The following NFIA variants were observed in gnomAD, a reference collection of about 807,000 sequenced individuals.
The protein encoded by NFIA is nuclear factor 1 A-type.
In NFIA, 8 loss-of-function variants were observed where a neutral mutation model predicts 62.8. The ratio of observed to expected loss-of-function variants is 0.13; its 90% CI spans 0.07 to 0.23. The LOEUF (loss-of-function observed/expected upper bound fraction) is 0.23, where lower values mean the gene tolerates loss of function less well. Among genes scored for constraint, NFIA ranks in the 10% least tolerant of loss-of-function variants. The probability of loss-of-function intolerance (pLI) is 1.00; values close to 1 mark genes in which losing one functional copy is unlikely to be tolerated. For synonymous variants in NFIA, 235 were observed against 238.1 expected (o/e 0.99, Z 0.12); for missense variants, 410 against 642.1 (o/e 0.64, Z 3.91).
At chr1:61,323,977 G>C (rs1189168321) in intron 3 of NFIA, among the ~76,000 whole-genome samples, 2 of 152,144 alleles carry the variant, frequency 1.3e-5, no homozygotes, top group Non-Finnish European at 2.9e-5. Flanking sequence ...AAAGAGGCAA[G>C]TGCCGTAAGA....
rs192464404 is a variant in NFIA at position 61,430,385 on chromosome 1, T to G, written c.1512+3829T>G. 6.6e-5 allele frequency among the ~76,000 whole-genome samples: 10 copies of G among 152,344 alleles called. No individual in the cohort carries two copies. In the East Asian group the frequency reaches 1.9e-3, roughly 29 times the overall value. On this transcript the variant is annotated intron_variant, in intron 10 of 10. Transcript: ENST00000403491. ...GTTGAGAAAAATAATAAAAATCACT[T>G]GTAGTCCTACTGTTAACATTTCTGT...
At chr1:61,324,738 T>A (rs1257900189) in intron 3 of NFIA, among the ~76,000 whole-genome samples, 1 of 152,194 alleles carries the variant, frequency 6.6e-6, no homozygotes, top group Non-Finnish European at 1.5e-5. Context: ...AGTTCCTCCA[T>A]GAAATGAGAT....
In NFIA at chr1:61,462,024, G is replaced by GTTTTTTTTTTTTTTTTTTTTTGTTT. The variant is rs368139522; in HGVS notation, c.*6722_*6723insTTTGTTTTTTTTTTTTTTTTTTTTT. 1.4e-5 allele frequency: 1 copy of GTTTTTTTTTTTTTTTTTTTTTGTTT among 73,202 alleles called. No individual in the cohort carries two copies. Among genetic ancestry groups the GTTTTTTTTTTTTTTTTTTTTTGTTT allele is most frequent in the Non-Finnish European group, 2.5e-5 (1 of 40,492 alleles). 4.5% of individuals were successfully genotyped at this position (73,202 alleles called of 1,614,324 possible). On this transcript the variant is annotated 3_prime_UTR_variant, in exon 11 of 11. Transcript: ENST00000403491. ...ATAGTCTGTAAGTTAGCCTTTTTGG[G>GTTTTTTTTTTTTTTTTTTTTTGTTT]TTTTTTTTTTTTTTTTTTGGCTTTT... is the stretch of plus-strand genomic sequence containing the variant.
At chr1:61,192,431 G>C (rs1651699641) in intron 2 of NFIA, among the ~76,000 whole-genome samples, 1 of 152,200 alleles carries the variant, frequency 6.6e-6, no homozygotes, top group Non-Finnish European at 1.5e-5. Context: ...GCCAGGCGCA[G>C]TGGCTCATGC....
intron 2 of NFIA, among the ~76,000 whole-genome samples, chr1:61,155,753 TAAAGTTTCATTGCA>T (rs1648774661): frequency 6.6e-6 from 1 of 151,848 alleles, no homozygotes; most frequent in South Asian, 2.1e-4. Flanking sequence ...CAATCCCAAT[TAAAGTTTCATTGCA>T]AAAGTTTCAC....
intron 2 of NFIA, among the ~76,000 whole-genome samples, chr1:61,120,576 C>T (rs1646872109): frequency 6.6e-6 from 1 of 152,132 alleles, no homozygotes; most frequent in Non-Finnish European, 1.5e-5. Context: ...GAGTGATAAG[C>T]TTGTAAGTGA....
intron 2 of NFIA, among the ~76,000 whole-genome samples, chr1:61,153,099 A>G (rs1440611947): frequency 2.0e-5 from 3 of 152,240 alleles, no homozygotes; most frequent in Non-Finnish European, 2.9e-5. Context: ...AAGTTTTCTG[A>G]TCAATGAAAC....
chr1:61,167,292 T>G (rs1465169038), intron 2 of NFIA, among the ~76,000 whole-genome samples: 1 of 152,182 alleles, frequency 6.6e-6, no homozygotes, highest in Admixed American at 6.5e-5. Context: ...GTGTACTGAT[T>G]TGGAGTATGT....
intron 2 of NFIA, among the ~76,000 whole-genome samples, chr1:61,215,279 A>C (rs12565339): frequency 0.17 from 25,958 of 152,130 alleles, 2,299 homozygotes; most frequent in East Asian, 0.32. Flanking sequence ...GTTGTATGCA[A>C]CACAGTTGGA....
At chr1:61,093,041 C>A (rs182212428) in intron 2 of NFIA, among the ~76,000 whole-genome samples, 1 of 151,992 alleles carries the variant, frequency 6.6e-6, no homozygotes. Context: ...ATAAATAAAT[C>A]GCATTAGATT....
chr1:61,163,277 T>C (rs1411761754), intron 2 of NFIA, among the ~76,000 whole-genome samples: 1 of 152,218 alleles, frequency 6.6e-6, no homozygotes, highest in African/African-American at 2.4e-5. Flanking sequence ...TGGTCTTTTC[T>C]TTGTGAAGCA....
At chr1:61,225,553 C>CTT (rs71244590) in intron 2 of NFIA, among the ~76,000 whole-genome samples, 9,090 of 122,490 alleles carry the variant, frequency 0.074, 385 homozygotes, top group South Asian at 0.086. Flanking sequence ...CCAGCTCGTA[C>CTT]TTTTTTTTTT....
Position 61,393,261 on chromosome 1 carries a change from CT to C in NFIA, c.1075+9897del, listed in dbSNP as rs1665085605. Among the ~76,000 whole-genome samples the C allele has an allele frequency of 1.4e-4, 9 of 64,664 alleles. 1 individual carries two copies. The South Asian group carries it at 2.9e-3, about 21-fold the overall frequency. The allele number at this position is 64,664 out of a possible 152,430, so 42.4% of individuals were successfully genotyped here. On this transcript the variant is annotated intron_variant, in intron 7 of 10. Coordinates refer to ENST00000403491, the MANE Select transcript of NFIA (RefSeq NM_001134673.4). ...GCCCTCTCCCTCTCTCTCTCTCTCT[CT>C]CTCTCTCTCTCTCTCTCTCTCTCTC...
chr1:61,455,411 A>T lies in NFIA; in HGVS notation c.*91A>T, dbSNP rs990373313. 6 of 1,602,102 alleles carry T rather than the reference A, an allele frequency of 3.7e-6. No individual in the cohort carries two copies. The highest frequency in any genetic ancestry group is 5.1e-6 in the Non-Finnish European group (6 of 1,172,616). On this transcript the variant is annotated 3_prime_UTR_variant, in exon 11 of 11. Transcript: ENST00000403491. ...CGCAACCTCAACCCAGCGCAGTTACAACTTCACTATCAGCGGAAGGGGAGA... is the reference window on the plus strand; with the variant it reads ...CGCAACCTCAACCCAGCGCAGTTACTACTTCACTATCAGCGGAAGGGGAGA...
chr1:61,191,773 T>TC (rs1194599953), intron 2 of NFIA, among the ~76,000 whole-genome samples: 3 of 152,056 alleles, frequency 2.0e-5, no homozygotes, highest in African/African-American at 7.2e-5. Flanking sequence ...TCTGCTTTTT[T>TC]CCCCCCACAG....
At chr1:61,310,331 C>G (rs1660031293) in intron 3 of NFIA, among the ~76,000 whole-genome samples, 1 of 152,214 alleles carries the variant, frequency 6.6e-6, no homozygotes, top group African/African-American at 2.4e-5. Context: ...TATCTTCCAT[C>G]TGATCACATT....
rs887663814 is a variant in NFIA, at chr1:61,405,875, A to G, written c.1255-687A>G. Among the ~76,000 whole-genome samples, 16 of 152,304 alleles carry G rather than the reference A, an allele frequency of 1.1e-4. No homozygotes were observed. The East Asian group carries it at 1.4e-3, about 13-fold the overall frequency. On this transcript the variant is annotated intron_variant, in intron 8 of 10. Transcript: ENST00000403491. ...AGGCAGCAAAATAAATATGACTCTT[A>G]TGGCATATGCTTATATAATTTAAAT...
In NFIA at chr1:61,169,519, C is replaced by T. The variant is rs568773620; in HGVS notation, c.559+80839C>T. Among the ~76,000 whole-genome samples, 9 of 152,212 alleles carry T rather than the reference C, an allele frequency of 5.9e-5. 1 individual carries two copies. Among genetic ancestry groups the T allele is most frequent in the Non-Finnish European group, 1.3e-4 (9 of 68,028 alleles). ...CCCCCAACCAAATGTGGAAAGGGGT[C>T]CACAATTTCCAGTGCAATTACCTTA... On this transcript the variant is annotated intron_variant, in intron 2 of 10. Coordinates refer to ENST00000403491, the MANE Select transcript of NFIA (RefSeq NM_001134673.4).
At chr1:61,315,597 A>G (rs1053666257) in intron 3 of NFIA, among the ~76,000 whole-genome samples, 3 of 152,186 alleles carry the variant, frequency 2.0e-5, no homozygotes, top group Admixed American at 2.0e-4. Flanking sequence ...ATATTCAATA[A>G]AGTATCAGAA....
Sources: gnomAD v4.1 joint callset for allele counts (sites outside exome capture counted in the v4.1 genomes callset) on GRCh38, gnomAD v4.1.1 for gene constraint, MANE v1.5 for transcripts, NCBI Gene and HGNC (gene_info 2026-07-23, HGNC 2026-07-21) for gene names.